Variants in SORCS1 observed in about 807,000 individuals in gnomAD.
The protein encoded by SORCS1 is sortilin related VPS10 domain containing receptor 1.
SORCS1 carries 60 observed loss-of-function variants against 146.1 expected under a neutral mutation model. The ratio of observed to expected loss-of-function variants is 0.41; its 90% CI spans 0.33 to 0.51. The LOEUF (loss-of-function observed/expected upper bound fraction) is 0.51. Among genes scored for constraint, SORCS1 ranks in the 20% least tolerant of loss-of-function variants. The pLI, the probability that SORCS1 is intolerant of heterozygous loss-of-function variation, is 0.21. For synonymous variants in SORCS1, 637 were observed against 584.0 expected (o/e 1.09, Z -1.31); for missense variants, 1,352 against 1,487.6 (o/e 0.91, Z 1.50).
chr10:106,906,190 C>T (rs1951902555), intron 2 of SORCS1, among the ~76,000 whole-genome samples: 5 of 152,236 alleles, frequency 3.3e-5, no homozygotes, highest in African/African-American at 1.2e-4. Context: ...TCTCGGCTCA[C>T]TGCAAGCTCA....
rs1427133826 is a variant in SORCS1, at chr10:107,027,823, C to T, written c.559-71243G>A. ...TGTGGCAAATTATCTCTGTGGATTT[C>T]TGTCAAGTTACCCCTACCACTGTAT... is the stretch of plus-strand genomic sequence containing the variant. On this transcript the variant is annotated intron_variant, in intron 1 of 25. Transcript: ENST00000263054. Among the ~76,000 whole-genome samples the T allele has an allele frequency of 9.2e-5, 14 of 152,292 alleles. No homozygotes were observed. The East Asian group carries it at 2.5e-3, about 27-fold the overall frequency.
At chr10:106,740,647 G>A (rs1266236182) in intron 5 of SORCS1, among the ~76,000 whole-genome samples, 2 of 152,086 alleles carry the variant, frequency 1.3e-5, no homozygotes, top group African/African-American at 4.8e-5. Flanking sequence ...ATTGTTCCCC[G>A]GTGTCAATCA....
intron 2 of SORCS1, among the ~76,000 whole-genome samples, chr10:106,853,691 C>G (rs1338311330): frequency 2.0e-5 from 3 of 151,774 alleles, no homozygotes; most frequent in African/African-American, 7.3e-5. Context: ...TATAGTTTCT[C>G]TTGAGATTTT....
intron 3 of SORCS1, among the ~76,000 whole-genome samples, chr10:106,799,646 G>A (rs1170691219): frequency 6.6e-6 from 1 of 152,170 alleles, no homozygotes. Flanking sequence ...ATCATCACTG[G>A]CCATCAGAGA....
chr10:107,148,686 G>C (rs915414033), intron 1 of SORCS1, among the ~76,000 whole-genome samples: 1 of 152,198 alleles, frequency 6.6e-6, no homozygotes, highest in African/African-American at 2.4e-5. Context: ...AGAGGTACTA[G>C]GGTACTTATA....
intron 1 of SORCS1, among the ~76,000 whole-genome samples, chr10:107,155,075 C>T (rs1382034871): frequency 6.6e-6 from 1 of 152,094 alleles, no homozygotes; most frequent in African/African-American, 2.4e-5. Flanking sequence ...ATGTGGACAG[C>T]CATGGAAGAT....
chr10:106,620,446 C>A lies in SORCS1; in HGVS notation c.2778G>T (p.Trp926Cys), dbSNP rs1204463843. Residue 926 changes from tryptophan to cysteine, a missense_variant, in exon 20 of 26, where the codon TGG becomes TGT. Coordinates refer to ENST00000263054, the MANE Select transcript of SORCS1 (RefSeq NM_052918.5). ...AACCCACCTCCGTGTTGTTTCCGTA[C>A]CACCACACGTAAGTGAGGGTGCCCA... ...SQVGTLTYVWWYGNNTEPLIT... is the reference protein window; with the variant it reads ...SQVGTLTYVWCYGNNTEPLIT... 6.2e-7 allele frequency: 1 copy of A among 1,613,446 alleles called. No individual in the cohort carries two copies. Among genetic ancestry groups the A allele is most frequent in the Non-Finnish European group, 8.5e-7 (1 of 1,179,592 alleles).
At chr10:106,677,244 G>T in intron 13 of SORCS1, 69 bp downstream of exon 13, 5 of 1,373,720 alleles carry the variant, frequency 3.6e-6, no homozygotes, top group Non-Finnish European at 5.2e-6. Context: ...TTGATAGCCT[G>T]ACTCCTAGAC....
chr10:106,975,375 T>C (rs1398130055), intron 1 of SORCS1, among the ~76,000 whole-genome samples: 4 of 152,234 alleles, frequency 2.6e-5, no homozygotes, highest in African/African-American at 7.2e-5. Flanking sequence ...CTTAACCATA[T>C]TTGCTGCTTT....
chr10:107,003,454 G>C (rs1406894070), intron 1 of SORCS1, among the ~76,000 whole-genome samples: 1 of 151,554 alleles, frequency 6.6e-6, no homozygotes, highest in Non-Finnish European at 1.5e-5. Flanking sequence ...GTGTGTGTGT[G>C]TGTGTGTGTG....
chr10:106,732,891 C>T (rs11193027), intron 5 of SORCS1, among the ~76,000 whole-genome samples: 65,491 of 151,410 alleles, frequency 0.43, 14,229 homozygotes, highest in African/African-American at 0.46. Context: ...GAGGCTAAGG[C>T]AGGCGGATAA....
At chr10:106,889,551 C>T (rs1260940233) in intron 2 of SORCS1, among the ~76,000 whole-genome samples, 1 of 152,034 alleles carries the variant, frequency 6.6e-6, no homozygotes, top group Non-Finnish European at 1.5e-5. Context: ...ATCACAAGGT[C>T]AGGAGATCAA....
chr10:106,582,298 G>A (rs1844968814), intron 24 of SORCS1, among the ~76,000 whole-genome samples: 1 of 152,118 alleles, frequency 6.6e-6, no homozygotes, highest in Non-Finnish European at 1.5e-5. Context: ...ATATTATTCT[G>A]GGAAAATGAA....
chr10:107,020,239 TTAAAA>T (rs1439587061), intron 1 of SORCS1, among the ~76,000 whole-genome samples: 2 of 152,198 alleles, frequency 1.3e-5, no homozygotes, highest in Admixed American at 1.3e-4. Flanking sequence ...ACTAATGGCC[TTAAAA>T]TAAAAATGTT....
At chr10:107,116,419 A>ATATAATGTATTATACATAATG (rs1966041671) in intron 1 of SORCS1, among the ~76,000 whole-genome samples, 3 of 152,124 alleles carry the variant, frequency 2.0e-5, no homozygotes, top group Non-Finnish European at 4.4e-5. Context: ...ACACATACAT[A>ATATAATGTATTATACATAATG]TATAATGTAT....
intron 15 of SORCS1, 41 bp from the exon 16 acceptor site, chr10:106,671,408 T>A (rs930549694): frequency 6.2e-7 from 1 of 1,611,918 alleles, no homozygotes; most frequent in South Asian, 1.1e-5. Context: ...GGCACATAGC[T>A]TGGACTTTCT....
chr10:106,743,191 A>T (rs1214575697), intron 5 of SORCS1, among the ~76,000 whole-genome samples: 6 of 152,008 alleles, frequency 3.9e-5, no homozygotes, highest in African/African-American at 1.4e-4. Flanking sequence ...GAGAGGGAGT[A>T]AAAGAGAACA....
At chr10:107,016,984 A>G (rs1226571617) in intron 1 of SORCS1, among the ~76,000 whole-genome samples, 1 of 152,238 alleles carries the variant, frequency 6.6e-6, no homozygotes, top group Non-Finnish European at 1.5e-5. Context: ...TAATTAGACT[A>G]GCAAAGAATA....
At chr10:106,722,170 GAT>G (rs1855833878) in intron 6 of SORCS1, among the ~76,000 whole-genome samples, 1 of 139,710 alleles carries the variant, frequency 7.2e-6, no homozygotes, top group South Asian at 2.3e-4. Context: ...ACAATAAAAA[GAT>G]AAGAGTTTAT....
Sources: allele counts gnomAD v4.1 joint callset (sites outside exome capture counted in the v4.1 genomes callset), GRCh38; gene constraint gnomAD v4.1.1; transcripts MANE v1.5; gene names NCBI Gene and HGNC (gene_info 2026-07-23, HGNC 2026-07-21).